The following USP9Y variants were observed in gnomAD, a reference collection of about 807,000 sequenced individuals.
USP9Y encodes ubiquitin carboxyl-terminal hydrolase 9Y.
USP9Y carries 41 observed loss-of-function variants against 53.1 expected under a neutral mutation model. That is an observed-to-expected ratio of 0.77 (90% CI 0.60 to 1.00). USP9Y has a LOEUF of 1.00. USP9Y is among the 50% of genes least tolerant of loss of function. USP9Y has a pLI of 0.00. For missense variants in USP9Y, 567 were observed against 535.8 expected (o/e 1.06, Z -0.58); for synonymous variants, 220 against 173.7 (o/e 1.27, Z -2.09).
In USP9Y at chrY:12,818,543, A is replaced by G. The variant is rs1395687253; in HGVS notation, c.4954A>G (p.Ile1652Val). ...NIGVLRHLQV[I>V]FGHLAASQLQ... Reference sequence around the variant, plus strand: ...TGGTGTCCTAAGACACCTTCAGGTCATCTTTGGTCATTTAGCTGCTTCCCA... The same window carrying G: ...TGGTGTCCTAAGACACCTTCAGGTCGTCTTTGGTCATTTAGCTGCTTCCCA... Residue 1652 changes from isoleucine (I) to valine (V), a missense_variant, in exon 33 of 46, where the codon ATC becomes GTC. Physicochemically the swap from Ile to Val is conservative, Grantham distance 29. Transcript: ENST00000338981. 2 of 397,995 alleles carry G rather than the reference A, an allele frequency of 5.0e-6. No homozygotes were observed. The highest frequency in any genetic ancestry group is 7.1e-6 in the Non-Finnish European group (2 of 283,033).
At position 12,709,562 on chromosome Y, in the gene USP9Y, T is replaced by A; in HGVS notation, c.96+19T>A. ...GAACCAGGTAGGAGTAAGACTGTGT[T>A]GTTTTGAGTACTGTGAAATACAAAA... is the stretch of plus-strand genomic sequence containing the variant. On this transcript the variant is annotated intron_variant, in intron 3 of 45. Transcript: ENST00000338981. 2.9e-6 allele frequency: 1 copy of A among 341,347 alleles called. No individual in the cohort carries two copies. The highest frequency in any genetic ancestry group is 4.3e-6 in the Non-Finnish European group (1 of 231,882). The allele number at this position is 341,347 out of a possible 400,897, so 85.1% of individuals were successfully genotyped here. A position where few individuals can be genotyped will look rare whatever the true frequency, so the allele number is the denominator to read the frequency against.
intron 6 of USP9Y, among the ~76,000 whole-genome samples, chrY:12,726,142 A>G: frequency 2.9e-5 from 1 of 33,907 alleles, no homozygotes. Context: ...TGACCATGGC[A>G]TGCATATGCC....
intron 12 of USP9Y, among the ~76,000 whole-genome samples, chrY:12,750,646 A>T (rs996530760): frequency 3.0e-5 from 1 of 33,550 alleles, no homozygotes; most frequent in African/African-American, 1.2e-4. Context: ...TGGTATATGG[A>T]GATGTTACAT....
At chrY:12,798,130 G>A (rs868542382) in intron 27 of USP9Y, among the ~76,000 whole-genome samples, 5 of 21,722 alleles carry the variant, frequency 2.3e-4, no homozygotes, top group East Asian at 1.2e-3. Context: ...TCCTTCTTTC[G>A]AAAAAATATT....
At chrY:12,839,219 T>A in intron 35 of USP9Y, among the ~76,000 whole-genome samples, 1 of 33,617 alleles carries the variant, frequency 3.0e-5, no homozygotes, top group African/African-American at 1.2e-4. Context: ...TCACAGCAAA[T>A]TCTGTTCATT....
At chrY:12,801,065 T>C (rs755617082) in intron 27 of USP9Y, among the ~76,000 whole-genome samples, 1 of 33,801 alleles carries the variant, frequency 3.0e-5, no homozygotes, top group South Asian at 6.6e-4. Flanking sequence ...ACTTCTGTAA[T>C]GCTTCCCCAT....
At chrY:12,801,821 T>A in intron 27 of USP9Y, among the ~76,000 whole-genome samples, 1 of 33,888 alleles carries the variant, frequency 3.0e-5, no homozygotes, top group Non-Finnish European at 7.3e-5. Context: ...CTTGTAATAT[T>A]AAATAAGGAG....
At chrY:12,716,782 T>G in intron 3 of USP9Y, among the ~76,000 whole-genome samples, 1 of 32,131 alleles carries the variant, frequency 3.1e-5, no homozygotes, top group East Asian at 8.3e-4. Flanking sequence ...TTTGTTTTTG[T>G]ATTTTTAGTA....
chrY:12,720,184 G>A (rs974148667), intron 3 of USP9Y, among the ~76,000 whole-genome samples: 1 of 33,297 alleles, frequency 3.0e-5, no homozygotes, highest in Admixed American at 2.7e-4. Flanking sequence ...GATCACCTGA[G>A]GTCAGGAGTT....
intron 16 of USP9Y, 89 bp downstream of exon 16, chrY:12,771,244 G>T (rs2053485858): frequency 1.5e-4 from 30 of 204,785 alleles, no homozygotes; most frequent in Non-Finnish European, 2.5e-4. Context: ...TTCTTTTTGA[G>T]ACAGGATCTC....
At chrY:12,852,374 C>A (rs2053571966) in intron 42 of USP9Y, among the ~76,000 whole-genome samples, 1 of 33,097 alleles carries the variant, frequency 3.0e-5, no homozygotes, top group Admixed American at 2.8e-4. Flanking sequence ...TTCATTAGTT[C>A]ATTTAAGGTT....
intron 42 of USP9Y, among the ~76,000 whole-genome samples, chrY:12,855,035 A>G (rs758707991): frequency 2.7e-4 from 9 of 33,462 alleles, no homozygotes; most frequent in Admixed American, 1.4e-3. Flanking sequence ...TATCCATGTT[A>G]TTTTTTGTCT....
At chrY:12,746,959 T>G in intron 12 of USP9Y, among the ~76,000 whole-genome samples, 1 of 32,604 alleles carries the variant, frequency 3.1e-5, no homozygotes, top group South Asian at 7.1e-4. Context: ...GGTCTTGATC[T>G]CCTGACCTCG....
chrY:12,800,730 A>T, intron 27 of USP9Y, among the ~76,000 whole-genome samples: 1 of 34,461 alleles, frequency 2.9e-5, no homozygotes, highest in Non-Finnish European at 7.3e-5. Context: ...TATAAACATT[A>T]TAACTTAGAT....
chrY:12,817,089 A>T, intron 32 of USP9Y, among the ~76,000 whole-genome samples: 1 of 33,319 alleles, frequency 3.0e-5, no homozygotes, highest in Non-Finnish European at 7.4e-5. Flanking sequence ...CGAAACCCCG[A>T]TTTTACTAAA....
chrY:12,830,481 A>T, intron 33 of USP9Y, among the ~76,000 whole-genome samples: 3 of 33,903 alleles, frequency 8.8e-5, no homozygotes, highest in Non-Finnish European at 2.2e-4. Flanking sequence ...CACTTTAATA[A>T]ATGAGCAAAA....
At chrY:12,853,879 C>T (rs2053573425) in intron 42 of USP9Y, among the ~76,000 whole-genome samples, 2 of 32,879 alleles carry the variant, frequency 6.1e-5, no homozygotes, top group Admixed American at 2.8e-4. Context: ...TATAAGAAAT[C>T]GGAGTGGTAA....
intron 3 of USP9Y, among the ~76,000 whole-genome samples, chrY:12,714,169 C>T (rs2053428503): frequency 3.3e-5 from 1 of 30,346 alleles, no homozygotes; most frequent in African/African-American, 1.3e-4. Flanking sequence ...GAGATTACAG[C>T]CATCGTGCCA....
At chrY:12,829,366 G>T in intron 33 of USP9Y, among the ~76,000 whole-genome samples, 1 of 34,187 alleles carries the variant, frequency 2.9e-5, no homozygotes. Flanking sequence ...AAAAGACTTC[G>T]CATTTTTCCC....
Sources: gnomAD v4.1 joint callset for allele counts (sites outside exome capture counted in the v4.1 genomes callset) on GRCh38, gnomAD v4.1.1 for gene constraint, MANE v1.5 for transcripts, NCBI Gene and HGNC (gene_info 2026-07-23, HGNC 2026-07-21) for gene names.